PHACTR1: variants seen among roughly 807,000 people sequenced by gnomAD.
PHACTR1 encodes the protein phosphatase and actin regulator 1.
PHACTR1 carries 16 observed loss-of-function variants against 69.2 expected under a neutral mutation model. The ratio of observed to expected loss-of-function variants is 0.23; its 90% CI spans 0.16 to 0.35. The LOEUF (loss-of-function observed/expected upper bound fraction) is 0.35. PHACTR1 is among the 10% of genes least tolerant of loss of function. The pLI, the probability that PHACTR1 is intolerant of heterozygous loss-of-function variation, is 1.00. For synonymous variants in PHACTR1, 312 were observed against 284.5 expected, an observed-to-expected ratio of 1.10 and a Z score of -0.97; for missense variants, 510 against 734.7, an observed-to-expected ratio of 0.69 and a Z score of 3.54.
At chr6:13,084,983 G>A (rs1195340903) in intron 5 of PHACTR1, among the ~76,000 whole-genome samples, 1 of 151,816 alleles carries the variant, frequency 6.6e-6, no homozygotes, top group Non-Finnish European at 1.5e-5. Context: ...GAATAAAGGG[G>A]GAGAAATATT....
chr6:12,740,637 A>G (rs1024664302), intron 3 of PHACTR1, among the ~76,000 whole-genome samples: 3 of 152,188 alleles, frequency 2.0e-5, no homozygotes, highest in African/African-American at 4.8e-5. Context: ...TATTCTGGTT[A>G]TAAGTCCTTT....
At chr6:12,869,332 C>G (rs896703331) in intron 4 of PHACTR1, among the ~76,000 whole-genome samples, 4 of 152,228 alleles carry the variant, frequency 2.6e-5, no homozygotes, top group Non-Finnish European at 5.9e-5. Context: ...CTGTCTCACA[C>G]TCCATGCACC....
intron 10 of PHACTR1, among the ~76,000 whole-genome samples, chr6:13,257,178 A>G (rs536653224): frequency 3.3e-5 from 5 of 152,216 alleles, no homozygotes; most frequent in Non-Finnish European, 4.4e-5. Context: ...TGGCAGGAGC[A>G]GGAGCAAGAG....
chr6:13,187,231 C>A (rs1762937025), intron 7 of PHACTR1, among the ~76,000 whole-genome samples: 2 of 152,162 alleles, frequency 1.3e-5, no homozygotes, highest in East Asian at 1.9e-4. Context: ...GGTTGGGGAC[C>A]CCTGGTTTGA....
chr6:12,730,391 T>G (rs1763340331), intron 3 of PHACTR1, among the ~76,000 whole-genome samples: 1 of 152,116 alleles, frequency 6.6e-6, no homozygotes, highest in Non-Finnish European at 1.5e-5. Context: ...GTCACTAAGA[T>G]TATTGCAAAT....
intron 4 of PHACTR1, among the ~76,000 whole-genome samples, chr6:12,754,516 C>A (rs2127601154): frequency 6.6e-6 from 1 of 152,292 alleles, no homozygotes; most frequent in South Asian, 2.1e-4. Context: ...TCTCACAGCT[C>A]ACCAGGAGCC....
chr6:13,116,478 G>A (rs2127928413), intron 5 of PHACTR1, among the ~76,000 whole-genome samples: 2 of 152,282 alleles, frequency 1.3e-5, no homozygotes, highest in East Asian at 1.9e-4. Flanking sequence ...AGTCATTTAA[G>A]GCTGCCTTGA....
chr6:12,869,502 C>T (rs972676359), intron 4 of PHACTR1, among the ~76,000 whole-genome samples: 1 of 152,108 alleles, frequency 6.6e-6, no homozygotes, highest in Non-Finnish European at 1.5e-5. Flanking sequence ...ACTGGTCCTC[C>T]TGCAGCTTTC....
rs775110460 is a variant in PHACTR1 at position 13,182,698 on chromosome 6, G to C, written c.664+12G>C. On this transcript the variant is annotated intron_variant, in intron 7 of 14. Coordinates refer to ENST00000332995, the MANE Select transcript of PHACTR1 (RefSeq NM_030948.6). ...CATGGATGGGCCAGGTAATGCCCCG[G>C]CAGGATTGTAGAGCAGGTCCCAGAC... 2 of 1,524,788 alleles carry C rather than the reference G, an allele frequency of 1.3e-6. No homozygotes were observed. Among genetic ancestry groups the C allele is most frequent in the South Asian group, 2.7e-5 (2 of 75,200 alleles). 94.5% of individuals were successfully genotyped at this position (1,524,788 alleles called of 1,614,324 possible). A position where few individuals can be genotyped will look rare whatever the true frequency, so the allele number is the denominator to read the frequency against.
intron 10 of PHACTR1, among the ~76,000 whole-genome samples, chr6:13,230,997 CAGAG>C (rs36074569): frequency 7.1e-5 from 8 of 113,320 alleles, no homozygotes; most frequent in Admixed American, 2.1e-4. Flanking sequence ...GCCCAGGTGA[CAGAG>C]AGAGAGAGAG....
At chr6:12,903,630 T>A (rs1785426488) in intron 4 of PHACTR1, among the ~76,000 whole-genome samples, 1 of 152,234 alleles carries the variant, frequency 6.6e-6, no homozygotes, top group Non-Finnish European at 1.5e-5. Context: ...CCCTAATAAC[T>A]CAGTACATAA....
chr6:13,277,936 C>T (rs377682509), intron 11 of PHACTR1: 16 of 185,408 alleles, frequency 8.6e-5, no homozygotes, highest in East Asian at 4.4e-4. Context: ...GGAGACAGAA[C>T]GAGACCGTGT....
chr6:12,795,516 C>T (rs1772872329), intron 4 of PHACTR1, among the ~76,000 whole-genome samples: 1 of 152,098 alleles, frequency 6.6e-6, no homozygotes, highest in Admixed American at 6.6e-5. Context: ...GAGTTGGGAA[C>T]CACAGGACTG....
chr6:13,149,829 C>T (rs1003627110), intron 5 of PHACTR1, among the ~76,000 whole-genome samples: 1 of 123,568 alleles, frequency 8.1e-6, no homozygotes, highest in Non-Finnish European at 1.7e-5. Flanking sequence ...TTTTTTTTTG[C>T]GATTTTTTTT....
At chr6:12,972,792 C>T (rs1011284179) in intron 4 of PHACTR1, among the ~76,000 whole-genome samples, 1 of 152,018 alleles carries the variant, frequency 6.6e-6, no homozygotes, top group Non-Finnish European at 1.5e-5. Context: ...GCTGAGACTA[C>T]AGGCACACGC....
chr6:12,827,615 C>T (rs920115780), intron 4 of PHACTR1, among the ~76,000 whole-genome samples: 14 of 152,142 alleles, frequency 9.2e-5, no homozygotes, highest in Non-Finnish European at 1.5e-4. Context: ...AACATATATC[C>T]TCACACAGAT....
intron 4 of PHACTR1, among the ~76,000 whole-genome samples, chr6:12,941,552 G>A (rs1790057784): frequency 6.6e-6 from 1 of 152,140 alleles, no homozygotes; most frequent in South Asian, 2.1e-4. Flanking sequence ...GTGACCGGAT[G>A]TCACTACCTC....
At chr6:13,209,170 T>C (rs753202034) in intron 8 of PHACTR1, among the ~76,000 whole-genome samples, 15 of 152,084 alleles carry the variant, frequency 9.9e-5, no homozygotes, top group Non-Finnish European at 1.8e-4. Flanking sequence ...TCTCCAGTCA[T>C]CTCCAGGAAG....
intron 5 of PHACTR1, among the ~76,000 whole-genome samples, chr6:13,157,028 G>A (rs1469743830): frequency 6.6e-6 from 1 of 152,140 alleles, no homozygotes; most frequent in East Asian, 1.9e-4. Flanking sequence ...TCTCAAAGCT[G>A]TTCATTTCTT....
Sources: gnomAD v4.1 joint callset for allele counts (sites outside exome capture counted in the v4.1 genomes callset) on GRCh38, gnomAD v4.1.1 for gene constraint, MANE v1.5 for transcripts, NCBI Gene and HGNC (gene_info 2026-07-23, HGNC 2026-07-21) for gene names.